RSPO2: variants seen among roughly 807,000 people sequenced by gnomAD.
The protein encoded by RSPO2 is R-spondin 2.
A neutral mutation model predicts 30.9 loss-of-function variants in RSPO2; 14 were observed. The ratio of observed to expected loss-of-function variants is 0.45; its 90% CI spans 0.30 to 0.71. The LOEUF (loss-of-function observed/expected upper bound fraction) is 0.71, where lower values mean the gene tolerates loss of function less well. RSPO2 is among the 30% of genes least tolerant of loss of function. The pLI is 0.08. For missense variants in RSPO2, 264 were observed against 301.9 expected (o/e 0.87, Z 0.93); for synonymous variants, 107 against 96.4 (o/e 1.11, Z -0.64).
chr8:107,920,096 G>T (rs1188777320), intron 5 of RSPO2, among the ~76,000 whole-genome samples: 2 of 151,934 alleles, frequency 1.3e-5, no homozygotes, highest in Non-Finnish European at 2.9e-5. Flanking sequence ...CAAAAATCTG[G>T]ATGAGGCAGG....
intron 2 of RSPO2, among the ~76,000 whole-genome samples, chr8:108,067,280 C>T (rs1812701163): frequency 1.3e-5 from 2 of 152,126 alleles, no homozygotes; most frequent in Non-Finnish European, 2.9e-5. Flanking sequence ...AAATCCATTA[C>T]ATACCGATTA....
intron 5 of RSPO2, among the ~76,000 whole-genome samples, chr8:107,903,812 A>G (rs894930138): frequency 6.6e-5 from 10 of 151,990 alleles, no homozygotes; most frequent in African/African-American, 2.2e-4. Flanking sequence ...CTTTTCTCAC[A>G]TAAGACATAT....
chr8:108,004,028 A>G (rs2130568202), intron 2 of RSPO2, among the ~76,000 whole-genome samples: 2 of 152,362 alleles, frequency 1.3e-5, no homozygotes, highest in South Asian at 4.1e-4. Context: ...AGCTACAACA[A>G]AATAATCAAA....
intron 5 of RSPO2, among the ~76,000 whole-genome samples, chr8:107,921,486 AAAGT>A (rs1192465557): frequency 6.6e-6 from 1 of 152,138 alleles, no homozygotes; most frequent in Non-Finnish European, 1.5e-5. Context: ...CTAAGTACTG[AAAGT>A]AACTATCAAC....
At chr8:108,076,798 A>C (rs1369453107) in intron 2 of RSPO2, among the ~76,000 whole-genome samples, 1 of 152,204 alleles carries the variant, frequency 6.6e-6, no homozygotes, top group Non-Finnish European at 1.5e-5. Context: ...CCTAGAATTA[A>C]AGGACTTTAT....
intron 2 of RSPO2, among the ~76,000 whole-genome samples, chr8:108,045,062 C>T (rs1197679486): frequency 2.0e-5 from 3 of 152,042 alleles, no homozygotes; most frequent in Admixed American, 2.0e-4. Context: ...GTAATAAAAA[C>T]AAAAATTGAC....
chr8:108,015,386 C>T (rs571561714), intron 2 of RSPO2, among the ~76,000 whole-genome samples: 2 of 152,076 alleles, frequency 1.3e-5, no homozygotes, highest in Admixed American at 1.3e-4. Flanking sequence ...GTGTCACAAA[C>T]CCTATCTTGA....
intron 5 of RSPO2, among the ~76,000 whole-genome samples, chr8:107,902,379 A>G (rs1452324608): frequency 6.6e-6 from 1 of 152,130 alleles, no homozygotes; most frequent in Non-Finnish European, 1.5e-5. Flanking sequence ...AATCAGTACT[A>G]CGAATAGGGA....
At chr8:108,082,427 A>G (rs1813233332) in intron 2 of RSPO2, 118 bp downstream of exon 2, 4 of 720,302 alleles carry the variant, frequency 5.6e-6, no homozygotes, top group Non-Finnish European at 9.5e-6. Context: ...GGACCCGCAA[A>G]AGCTGGGGTG....
Position 107,926,152 on chromosome 8 carries a change from C to A in RSPO2, c.617-24962G>T, listed in dbSNP as rs527371643. ...GTTTTGATTTGCATTTCTCTGATGG[C>A]CAGTGATGGTGAGCATTTTTTCATG... On this transcript the variant is annotated intron_variant, in intron 5 of 5. Transcript: ENST00000276659. Among the ~76,000 whole-genome samples, 18 of 151,780 alleles carry A rather than the reference C, an allele frequency of 1.2e-4. No individual in the cohort carries two copies. The South Asian group carries it at 1.5e-3, about 12-fold the overall frequency.
chr8:107,955,947 C>T (rs187932888), intron 5 of RSPO2, among the ~76,000 whole-genome samples: 1 of 152,198 alleles, frequency 6.6e-6, no homozygotes, highest in African/African-American at 2.4e-5. Flanking sequence ...AAGCAGATCA[C>T]TGAAATCAAA....
At chr8:108,061,296 T>C (rs1468509107) in intron 2 of RSPO2, among the ~76,000 whole-genome samples, 1 of 151,750 alleles carries the variant, frequency 6.6e-6, no homozygotes, top group Non-Finnish European at 1.5e-5. Context: ...ACCCATCTCA[T>C]GTGCAGAGAC....
intron 3 of RSPO2, among the ~76,000 whole-genome samples, chr8:107,961,800 AT>A (rs1372783200): frequency 1.1e-4 from 17 of 152,334 alleles, no homozygotes; most frequent in African/African-American, 3.8e-4. Flanking sequence ...GCCACAGTGA[AT>A]TAGAAACATG....
intron 5 of RSPO2, among the ~76,000 whole-genome samples, chr8:107,916,804 G>A (rs896735846): frequency 3.9e-5 from 6 of 152,194 alleles, no homozygotes; most frequent in African/African-American, 1.4e-4. Context: ...CAGAATCTCA[G>A]TCCATGTGCC....
At chr8:107,958,359 T>G (rs935802803) in intron 4 of RSPO2, 91 bp from the exon 5 acceptor site, 118 of 1,011,862 alleles carry the variant, frequency 1.2e-4, no homozygotes, top group Admixed American at 8.0e-4. Context: ...CAGAGCAGTG[T>G]TCCTTCACTA....
At chr8:107,984,849 C>A (rs1356125969) in intron 3 of RSPO2, among the ~76,000 whole-genome samples, 1 of 152,110 alleles carries the variant, frequency 6.6e-6, no homozygotes. Context: ...AAGGAGAAGA[C>A]AGTAGTGAAT....
At chr8:108,060,564 T>C (rs888173098) in intron 2 of RSPO2, among the ~76,000 whole-genome samples, 1 of 151,806 alleles carries the variant, frequency 6.6e-6, no homozygotes, top group Non-Finnish European at 1.5e-5. Flanking sequence ...CCGATTGGTG[T>C]ACCTGAAAGT....
chr8:107,963,996 C>T (rs184490239), intron 3 of RSPO2, among the ~76,000 whole-genome samples: 406 of 152,308 alleles, frequency 2.7e-3, no homozygotes, highest in Non-Finnish European at 4.1e-3. Flanking sequence ...TTTTCCTTCA[C>T]TCAAATTGTA....
intron 2 of RSPO2, among the ~76,000 whole-genome samples, chr8:107,999,725 G>A (rs930968641): frequency 8.6e-5 from 13 of 151,916 alleles, no homozygotes; most frequent in Admixed American, 7.9e-4. Flanking sequence ...ATGAGCCACC[G>A]TGCCCAACCA....
Sources: gnomAD v4.1 joint callset for allele counts (sites outside exome capture counted in the v4.1 genomes callset) on GRCh38, gnomAD v4.1.1 for gene constraint, MANE v1.5 for transcripts, NCBI Gene and HGNC (gene_info 2026-07-23, HGNC 2026-07-21) for gene names.